Variants in ELF2 observed in about 807,000 individuals in gnomAD.
ELF2 encodes ETS-related transcription factor Elf-2.
ELF2 carries 11 observed loss-of-function variants against 54.8 expected under a neutral mutation model. The observed-to-expected ratio is 0.20, with a 90% CI of 0.13 to 0.33. The LOEUF (loss-of-function observed/expected upper bound fraction) is 0.33. ELF2 is among the 10% of genes least tolerant of loss of function. The pLI is 1.00. For missense variants in ELF2, 513 were observed against 703.0 expected (o/e 0.73, Z 3.06); for synonymous variants, 203 against 245.1 (o/e 0.83, Z 1.61).
intron 4 of ELF2, among the ~76,000 whole-genome samples, chr4:139,088,949 G>A (rs1201281021): frequency 2.6e-5 from 4 of 152,098 alleles, no homozygotes; most frequent in Admixed American, 2.6e-4. Context: ...GTAGAGACAG[G>A]GTTTCTCCAT....
chr4:139,171,601 GA>G, intron 1 of ELF2, among the ~76,000 whole-genome samples: 1 of 126,730 alleles, frequency 7.9e-6, no homozygotes, highest in South Asian at 2.4e-4. Context: ...AGTACACAGA[GA>G]AAAAAACAAA....
intron 7 of ELF2, chr4:139,066,008 C>CT (rs1728642766): frequency 2.0e-5 from 1 of 50,848 alleles, no homozygotes; most frequent in Non-Finnish European, 3.5e-5. Flanking sequence ...TTCAATGTCA[C>CT]CTTTTTTTTT....
At chr4:139,166,619 A>C (rs1040768252) in intron 1 of ELF2, among the ~76,000 whole-genome samples, 5 of 152,220 alleles carry the variant, frequency 3.3e-5, no homozygotes, top group Non-Finnish European at 7.3e-5. Flanking sequence ...CTGTAATCCC[A>C]GTACTTTGGG....
At chr4:139,158,628 C>T (rs1044897898) in intron 1 of ELF2, among the ~76,000 whole-genome samples, 5 of 152,192 alleles carry the variant, frequency 3.3e-5, no homozygotes, top group South Asian at 2.1e-4. Context: ...GTGATGGAAA[C>T]ATTTATTGTA....
At chr4:139,137,331 C>A (rs1271198829) in intron 3 of ELF2, 2 of 415,744 alleles carry the variant, frequency 4.8e-6, no homozygotes, top group Non-Finnish European at 8.6e-6. Context: ...TAATCCAAGA[C>A]AATGGGTTTT....
chr4:139,118,833 A>T (rs1424934503), intron 4 of ELF2, among the ~76,000 whole-genome samples: 1 of 152,204 alleles, frequency 6.6e-6, no homozygotes, highest in Non-Finnish European at 1.5e-5. Flanking sequence ...ACTCTGTCAC[A>T]AGCACTGTGC....
At chr4:139,148,817 A>G (rs1739542331) in intron 1 of ELF2, among the ~76,000 whole-genome samples, 1 of 152,228 alleles carries the variant, frequency 6.6e-6, no homozygotes. Context: ...AAGCTTTTCC[A>G]AAGTGGCTAC....
At chr4:139,144,455 A>G (rs1739023746) in intron 1 of ELF2, among the ~76,000 whole-genome samples, 1 of 152,218 alleles carries the variant, frequency 6.6e-6, no homozygotes, top group Non-Finnish European at 1.5e-5. Context: ...GAAGCTCCCA[A>G]TTTGAAATTC....
intron 1 of ELF2, among the ~76,000 whole-genome samples, chr4:139,173,815 C>T (rs1742597650): frequency 6.7e-6 from 1 of 150,262 alleles, no homozygotes; most frequent in African/African-American, 2.4e-5. Context: ...GGATCAGGTG[C>T]AGTGGCTCAA....
At chr4:139,177,441 G>T (rs1743091043), upstream of ELF2, among the ~76,000 whole-genome samples, 2 of 151,628 alleles carry the variant, frequency 1.3e-5, no homozygotes, top group South Asian at 2.1e-4. Context: ...TACCCCGCGG[G>T]GCCCCGCCGC....
intron 4 of ELF2, among the ~76,000 whole-genome samples, chr4:139,094,167 G>A (rs1048021306): frequency 1.3e-5 from 2 of 152,080 alleles, no homozygotes; most frequent in Admixed American, 6.6e-5. Flanking sequence ...CCAAAGTGCT[G>A]GGATTACAGG....
At chr4:139,151,726 C>T (rs889369325) in intron 1 of ELF2, among the ~76,000 whole-genome samples, 7 of 152,076 alleles carry the variant, frequency 4.6e-5, no homozygotes, top group African/African-American at 1.7e-4. Flanking sequence ...AATTTCCCAC[C>T]CAATATGTGA....
In ELF2 at chr4:139,084,969, T is replaced by C. The variant is rs563117264; in HGVS notation, c.239-11402A>G. On this transcript the variant is annotated intron_variant, in intron 4 of 9. Coordinates refer to ENST00000686138, the MANE Select transcript of ELF2 (RefSeq NM_001331036.3). ...AGTGTCAAAGAGCACATTAAACGGG[T>C]ATTTAGTAAACAGAACACACCAACC... is the stretch of plus-strand genomic sequence containing the variant. Among the ~76,000 whole-genome samples, 8 of 152,268 alleles carry C rather than the reference T, an allele frequency of 5.3e-5. No homozygotes were observed. The East Asian group carries it at 1.4e-3, about 26-fold the overall frequency.
Position 139,127,762 on chromosome 4 carries a change from C to T in ELF2, c.73-2433G>A, listed in dbSNP as rs1428682383. Reference sequence around the variant, plus strand: ...GGCAGATCACCTGAGGTCAGGTGTTCGAGACCAACCTGGCCAATACAGTAA... The same window carrying T: ...GGCAGATCACCTGAGGTCAGGTGTTTGAGACCAACCTGGCCAATACAGTAA... On this transcript the variant is annotated intron_variant, in intron 3 of 9. Coordinates refer to ENST00000686138, the MANE Select transcript of ELF2 (RefSeq NM_001331036.3). Among the ~76,000 whole-genome samples, 3 of 151,906 alleles carry T rather than the reference C, an allele frequency of 2.0e-5. No individual in the cohort carries two copies. The East Asian group carries it at 5.8e-4, about 29-fold the overall frequency.
At chr4:139,093,085 C>T (rs866760701) in intron 4 of ELF2, among the ~76,000 whole-genome samples, 89 of 151,442 alleles carry the variant, frequency 5.9e-4, no homozygotes, top group African/African-American at 1.9e-3. Flanking sequence ...CCTGGCTCAG[C>T]CTTCTGAGTA....
At chr4:139,091,938 C>CAT (rs897035590) in intron 4 of ELF2, among the ~76,000 whole-genome samples, 1 of 148,140 alleles carries the variant, frequency 6.8e-6, no homozygotes, top group Non-Finnish European at 1.5e-5. Context: ...TATATATACA[C>CAT]ATATATATAC....
intron 1 of ELF2, among the ~76,000 whole-genome samples, chr4:139,154,222 T>G (rs1740304810): frequency 6.6e-6 from 1 of 152,218 alleles, no homozygotes; most frequent in South Asian, 2.1e-4. Context: ...AATAAATATT[T>G]TTTATGTTTT....
At chr4:139,064,824 G>A (rs1055542411) in intron 7 of ELF2, among the ~76,000 whole-genome samples, 5 of 152,020 alleles carry the variant, frequency 3.3e-5, no homozygotes, top group African/African-American at 1.2e-4. Flanking sequence ...AGGTTGCAGT[G>A]AACTGAGATC....
chr4:139,113,265 G>A (rs1211029262), intron 4 of ELF2, among the ~76,000 whole-genome samples: 1 of 151,950 alleles, frequency 6.6e-6, no homozygotes, highest in African/African-American at 2.4e-5. Flanking sequence ...GGCTAAGGTG[G>A]GAGGAGCACT....
Sources: allele counts gnomAD v4.1 joint callset (sites outside exome capture counted in the v4.1 genomes callset), GRCh38; gene constraint gnomAD v4.1.1; transcripts MANE v1.5; gene names NCBI Gene and HGNC (gene_info 2026-07-23, HGNC 2026-07-21).